The following PPARG variants were observed in gnomAD, a reference collection of about 807,000 sequenced individuals.
PPARG encodes the protein peroxisome proliferator-activated receptor gamma.
A neutral mutation model predicts 39.2 loss-of-function variants in PPARG; 17 were observed. The ratio of observed to expected loss-of-function variants is 0.43; its 90% CI spans 0.30 to 0.65. The LOEUF (loss-of-function observed/expected upper bound fraction) is 0.65, where lower values mean the gene tolerates loss of function less well. Among genes scored for constraint, PPARG ranks in the 30% least tolerant of loss-of-function variants. PPARG has a pLI of 0.13. For missense variants in PPARG, 406 were observed against 585.9 expected, an observed-to-expected ratio of 0.69 and a Z score of 3.17; for synonymous variants, 223 against 215.7, an observed-to-expected ratio of 1.03 and a Z score of -0.30.
intron 2 of PPARG, among the ~76,000 whole-genome samples, chr3:12,354,388 A>G (rs2048587960): frequency 1.3e-5 from 2 of 152,092 alleles, no homozygotes; most frequent in South Asian, 4.1e-4. Flanking sequence ...AAAGCCCTAT[A>G]TGGAATTTAT....
intron 7 of PPARG, among the ~76,000 whole-genome samples, chr3:12,421,834 CCTT>C (rs1431317455): frequency 6.6e-6 from 1 of 152,194 alleles, no homozygotes; most frequent in Non-Finnish European, 1.5e-5. Flanking sequence ...AAGGGCAGCT[CCTT>C]CTTTTTCCAG....
intron 2 of PPARG, among the ~76,000 whole-genome samples, chr3:12,346,194 T>A (rs1276165080): frequency 6.6e-6 from 1 of 152,204 alleles, no homozygotes; most frequent in African/African-American, 2.4e-5. Flanking sequence ...AAGGAAGTTT[T>A]CAGTTGGTTT....
At chr3:12,424,056 G>A (rs942182108) in intron 7 of PPARG, among the ~76,000 whole-genome samples, 8 of 152,116 alleles carry the variant, frequency 5.3e-5, no homozygotes, top group African/African-American at 1.9e-4. Flanking sequence ...TGGTAAAATG[G>A]CTTTGAATAA....
intron 7 of PPARG, among the ~76,000 whole-genome samples, chr3:12,419,027 C>G (rs2051171660): frequency 1.3e-5 from 2 of 152,338 alleles, no homozygotes; most frequent in South Asian, 4.1e-4. Context: ...TCACTGCAAT[C>G]TCCACCTCCC....
At chr3:12,420,277 G>A (rs2051216977) in intron 7 of PPARG, among the ~76,000 whole-genome samples, 1 of 152,160 alleles carries the variant, frequency 6.6e-6, no homozygotes, top group South Asian at 2.1e-4. Flanking sequence ...ATCTATCGAG[G>A]ATGAGATCCA....
At chr3:12,417,546 G>A (rs1408837417) in intron 7 of PPARG, among the ~76,000 whole-genome samples, 1 of 152,134 alleles carries the variant, frequency 6.6e-6, no homozygotes, top group Non-Finnish European at 1.5e-5. Context: ...CTCACTTGAT[G>A]TAGAGAAGGG....
chr3:12,322,477 T>A (rs1474472262), intron 2 of PPARG, among the ~76,000 whole-genome samples: 5 of 152,130 alleles, frequency 3.3e-5, no homozygotes, highest in African/African-American at 1.2e-4. Context: ...AATATCTGAT[T>A]GAGGAAAAGC....
At chr3:12,400,429 G>A (rs1233725395) in intron 5 of PPARG, among the ~76,000 whole-genome samples, 2 of 152,316 alleles carry the variant, frequency 1.3e-5, no homozygotes, top group Middle Eastern at 3.4e-3. Context: ...TAACATGCTA[G>A]TAGTAGCTAC....
At chr3:12,365,629 G>A (rs2048993205) in intron 2 of PPARG, among the ~76,000 whole-genome samples, 1 of 151,886 alleles carries the variant, frequency 6.6e-6, no homozygotes, top group Admixed American at 6.6e-5. Flanking sequence ...TGGATGTCCA[G>A]TTGCTCCAGT....
chr3:12,379,647 T>C, intron 2 of PPARG, 57 bp from the exon 3 acceptor site: 1 of 1,457,684 alleles, frequency 6.9e-7, no homozygotes, highest in Non-Finnish European at 9.6e-7. Context: ...TGAAACTCTG[T>C]GAGATTGCTG....
intron 2 of PPARG, among the ~76,000 whole-genome samples, chr3:12,331,724 A>G (rs1004784762): frequency 2.6e-5 from 4 of 152,188 alleles, no homozygotes; most frequent in African/African-American, 7.2e-5. Flanking sequence ...TAATAAGTAG[A>G]ATTAAAAGGA....
chr3:12,317,405 CAT>C (rs1415718082), intron 2 of PPARG, among the ~76,000 whole-genome samples: 17 of 152,148 alleles, frequency 1.1e-4, no homozygotes, highest in Non-Finnish European at 2.5e-4. Context: ...GTTTTGTTCA[CAT>C]GTGTATGCTT....
intron 1 of PPARG, among the ~76,000 whole-genome samples, chr3:12,302,784 G>A (rs989150884): frequency 8.5e-5 from 13 of 152,112 alleles, no homozygotes; most frequent in African/African-American, 2.2e-4. Flanking sequence ...ATTCCATATC[G>A]TAAGAAGAGG....
intron 2 of PPARG, among the ~76,000 whole-genome samples, chr3:12,320,517 A>T (rs1049341945): frequency 5.3e-5 from 8 of 152,194 alleles, no homozygotes; most frequent in African/African-American, 1.9e-4. Context: ...TTCAGACCCC[A>T]CAATAACTAT....
chr3:12,413,260 T>G (rs1396021469), intron 6 of PPARG, among the ~76,000 whole-genome samples: 2 of 152,150 alleles, frequency 1.3e-5, no homozygotes, highest in Admixed American at 6.5e-5. Flanking sequence ...AATATGAAAG[T>G]GAACTCTCTG....
At chr3:12,395,872 A>G (rs1234716474) in intron 5 of PPARG, among the ~76,000 whole-genome samples, 1 of 152,204 alleles carries the variant, frequency 6.6e-6, no homozygotes, top group Middle Eastern at 3.2e-3. Context: ...GCAGAAATAC[A>G]GACCCACTTC....
intron 3 of PPARG, among the ~76,000 whole-genome samples, chr3:12,380,138 C>T (rs922969968): frequency 2.0e-5 from 3 of 151,924 alleles, no homozygotes; most frequent in Non-Finnish European, 4.4e-5. Context: ...TTGCCTTCCC[C>T]GCCCCCTCCT....
chr3:12,369,518 AT>A (rs1433173731), intron 2 of PPARG, among the ~76,000 whole-genome samples: 6 of 152,164 alleles, frequency 3.9e-5, no homozygotes, highest in Non-Finnish European at 8.8e-5. Context: ...ATAATAACTT[AT>A]ACTATTATTT....
chr3:12,384,734 T>G (rs2049810670), intron 4 of PPARG, among the ~76,000 whole-genome samples: 2 of 152,172 alleles, frequency 1.3e-5, no homozygotes, highest in African/African-American at 4.8e-5. Context: ...TTTTTTCACT[T>G]TCATTCTCTC....
Sources: gnomAD v4.1 joint callset for allele counts (sites outside exome capture counted in the v4.1 genomes callset) on GRCh38, gnomAD v4.1.1 for gene constraint, MANE v1.5 for transcripts, NCBI Gene and HGNC (gene_info 2026-07-23, HGNC 2026-07-21) for gene names.